The following KIF26B variants were observed in gnomAD, a reference collection of about 807,000 sequenced individuals.
KIF26B encodes kinesin-like protein KIF26B.
In KIF26B, 63 loss-of-function variants were observed where a neutral mutation model predicts 151.2. The observed-to-expected ratio is 0.42, with a 90% CI of 0.34 to 0.51. KIF26B has a LOEUF of 0.51. KIF26B is among the 20% of genes least tolerant of loss of function. The probability of loss-of-function intolerance (pLI) is 0.07; values close to 1 mark genes in which losing one functional copy is unlikely to be tolerated. For synonymous variants in KIF26B, 1,357 were observed against 1,262.1 expected (o/e 1.08, Z -1.59); for missense variants, 2,813 against 2,913.6 (o/e 0.97, Z 0.79).
intron 6 of KIF26B, among the ~76,000 whole-genome samples, chr1:245,605,568 CCT>C (rs2043442714): frequency 6.6e-6 from 1 of 152,306 alleles, no homozygotes; most frequent in East Asian, 1.9e-4. Flanking sequence ...GCTGGCTGCC[CCT>C]GTTGGGACAC....
intron 2 of KIF26B, among the ~76,000 whole-genome samples, chr1:245,234,026 A>ATT (rs1670052603): frequency 6.6e-6 from 1 of 152,080 alleles, no homozygotes; most frequent in Non-Finnish European, 1.5e-5. Flanking sequence ...TCTACTAAAA[A>ATT]TACAAAAATT....
At chr1:245,340,248 C>T (rs565714362) in intron 2 of KIF26B, among the ~76,000 whole-genome samples, 17 of 152,166 alleles carry the variant, frequency 1.1e-4, no homozygotes, top group Non-Finnish European at 1.0e-4. Context: ...AACCCAGGTA[C>T]GTCCTCCGGT....
chr1:245,372,282 C>T (rs1358941747), intron 3 of KIF26B, among the ~76,000 whole-genome samples: 1 of 152,202 alleles, frequency 6.6e-6, no homozygotes, highest in East Asian at 1.9e-4. Context: ...TTCATCCCAT[C>T]TCCGCGCCCT....
rs1660856396 is a variant in KIF26B at position 245,512,335 on chromosome 1, C to T, written c.1167-28432C>T. The stretch of plus-strand genomic sequence containing the variant: ...CTGAGTCTTGGAACATCATGAAAGA[C>T]TCTTCTGCAGATTTCCTTTTAACAT... On this transcript the variant is annotated intron_variant, in intron 4 of 14. Coordinates refer to ENST00000407071, the MANE Select transcript of KIF26B (RefSeq NM_018012.4). The surrounding 1 kb of genome is among the most constrained non-coding windows in gnomAD (Gnocchi z 4.3). Among the ~76,000 whole-genome samples the T allele has an allele frequency of 6.6e-6, 1 of 152,206 alleles. No homozygotes were observed. Among genetic ancestry groups the T allele is most frequent in the Non-Finnish European group, 1.5e-5 (1 of 68,036 alleles).
chr1:245,620,314 C>A (rs909421584), intron 9 of KIF26B, among the ~76,000 whole-genome samples: 3 of 152,134 alleles, frequency 2.0e-5, no homozygotes, highest in East Asian at 3.8e-4. Context: ...AAACACTTTA[C>A]AACCAACTGG....
At chr1:245,247,876 T>C (rs901538024) in intron 2 of KIF26B, among the ~76,000 whole-genome samples, 1 of 152,216 alleles carries the variant, frequency 6.6e-6, no homozygotes, top group Admixed American at 6.5e-5. Flanking sequence ...ATTTTTTCTT[T>C]TGCTCTCTGT....
chr1:245,256,425 C>T lies in KIF26B; in HGVS notation c.465+99742C>T, dbSNP rs6677516. On this transcript the variant is annotated intron_variant, in intron 2 of 14. Transcript: ENST00000407071. ...TCTTCCCTGAGTCCAACAGCCCCAT[C>T]GTCCGGATGAGGAAGCTGAGGCCAA... Among the ~76,000 whole-genome samples, 989 of 152,294 alleles carry T rather than the reference C, an allele frequency of 6.5e-3. 15 individuals carry two copies. Among genetic ancestry groups the T allele is most frequent in the African/African-American group, 0.022 (918 of 41,552 alleles).
chr1:245,404,482 G>A (rs1028884204), intron 3 of KIF26B, among the ~76,000 whole-genome samples: 28 of 152,128 alleles, frequency 1.8e-4, no homozygotes, highest in African/African-American at 6.5e-4. Context: ...GGGGAATCTC[G>A]TTAGATATCC....
intron 10 of KIF26B, among the ~76,000 whole-genome samples, chr1:245,658,312 T>G (rs1432208665): frequency 2.2e-5 from 3 of 133,678 alleles, no homozygotes; most frequent in Non-Finnish European, 5.0e-5. Flanking sequence ...AAAAACTGAT[T>G]GTTGAAGTTA....
At chr1:245,675,375 C>A (rs1245025442) in intron 10 of KIF26B, among the ~76,000 whole-genome samples, 1 of 152,190 alleles carries the variant, frequency 6.6e-6, no homozygotes, top group Non-Finnish European at 1.5e-5. Context: ...CATGGTTGAT[C>A]CTTCTCTTGC....
At chr1:245,408,673 T>A (rs950275018) in intron 3 of KIF26B, among the ~76,000 whole-genome samples, 20 of 152,308 alleles carry the variant, frequency 1.3e-4, no homozygotes, top group East Asian at 3.9e-4. Context: ...TTCTTTTTTT[T>A]AAAATACAAT....
intron 3 of KIF26B, among the ~76,000 whole-genome samples, chr1:245,390,921 C>CAAAAAA (rs796799193): frequency 7.4e-5 from 1 of 13,442 alleles, no homozygotes; most frequent in Non-Finnish European, 1.1e-4. Flanking sequence ...GACCCTGTCT[C>CAAAAAA]AAAAAAAAAA....
At position 245,685,792 on chromosome 1, in the gene KIF26B, G is replaced by A. The variant is rs1279781334; in HGVS notation, c.2809G>A (p.Asp937Asn). ...GCTGCAGGAGAGGCTGGACTGCATC[G>A]ACGGCAGCGAGGAGCCCAGCAGCTT... ...AELQERLDCI[D>N]GSEEPSSFPF... The change falls in exon 12 of 15, where the codon GAC becomes AAC. Residue 937 changes from aspartate (D) to asparagine (N), a missense_variant. Physicochemically the swap from Asp to Asn is conservative, Grantham distance 23. This residue lies in a region of KIF26B where 2,060 missense variants were observed against 2,088.6 expected (regional missense o/e 0.99). Coordinates refer to ENST00000407071, the MANE Select transcript of KIF26B (RefSeq NM_018012.4). 3.7e-6 allele frequency: 6 copies of A among 1,609,992 alleles called. No individual in the cohort carries two copies. Among genetic ancestry groups the A allele is most frequent in the African/African-American group, 1.3e-5 (1 of 74,970 alleles).
intron 10 of KIF26B, chr1:245,674,002 T>C (rs2044326979): frequency 6.6e-6 from 1 of 152,250 alleles, no homozygotes; most frequent in Admixed American, 6.5e-5. Context: ...CAGCAGTGCC[T>C]AAGTCCCTTT....
intron 3 of KIF26B, among the ~76,000 whole-genome samples, chr1:245,417,802 G>A (rs181091369): frequency 6.6e-6 from 1 of 152,340 alleles, no homozygotes; most frequent in Non-Finnish European, 1.5e-5. Context: ...CACCACACGC[G>A]TTCCAGCGGC....
At chr1:245,257,239 T>G (rs1253269770) in intron 2 of KIF26B, among the ~76,000 whole-genome samples, 1 of 152,190 alleles carries the variant, frequency 6.6e-6, no homozygotes, top group Non-Finnish European at 1.5e-5. Context: ...CAAAGCAATG[T>G]ACATCTTACA....
chr1:245,223,683 G>C (rs977269804), intron 2 of KIF26B, among the ~76,000 whole-genome samples: 1 of 152,200 alleles, frequency 6.6e-6, no homozygotes, highest in Non-Finnish European at 1.5e-5. Context: ...CAGCAGTTCT[G>C]CAAGTGTGTT....
At chr1:245,278,054 AG>A (rs1670970102) in intron 2 of KIF26B, among the ~76,000 whole-genome samples, 1 of 152,122 alleles carries the variant, frequency 6.6e-6, no homozygotes, top group Non-Finnish European at 1.5e-5. Context: ...AGTGAGTAAA[AG>A]TGGGCAGGCA....
intron 3 of KIF26B, among the ~76,000 whole-genome samples, chr1:245,389,465 A>G (rs111551865): frequency 0.014 from 2,071 of 152,278 alleles, 52 homozygotes; most frequent in African/African-American, 0.047. Context: ...GCATGCAAGT[A>G]TACAGTCTTC....
Sources: gnomAD v4.1 joint callset for allele counts (sites outside exome capture counted in the v4.1 genomes callset) on GRCh38, gnomAD v4.1.1 for gene constraint, gnomAD v4.1.1 regional missense constraint, Gnocchi (gnomAD v3.1) non-coding constraint, MANE v1.5 for transcripts, NCBI Gene and HGNC (gene_info 2026-07-23, HGNC 2026-07-21) for gene names.